Variants in TRIP4 observed in about 807,000 individuals in gnomAD.
TRIP4 encodes activating signal cointegrator 1.
In TRIP4, 54 loss-of-function variants were observed where a neutral mutation model predicts 81.8. The ratio of observed to expected loss-of-function variants is 0.66; its 90% CI spans 0.53 to 0.83. The LOEUF is 0.83. TRIP4 is among the 40% of genes least tolerant of loss of function. The pLI is 0.00. For missense variants in TRIP4, 662 were observed against 683.6 expected (o/e 0.97, Z 0.35); for synonymous variants, 270 against 242.8 (o/e 1.11, Z -1.04).
chr15:64,440,534 C>A (rs1892495043), intron 11 of TRIP4, among the ~76,000 whole-genome samples: 1 of 150,464 alleles, frequency 6.6e-6, no homozygotes, highest in African/African-American at 2.4e-5. Flanking sequence ...GAAAAATAAT[C>A]TCTTCTTCCA....
intron 2 of TRIP4, 133 bp downstream of exon 2, chr15:64,394,248 AT>A: frequency 1.4e-6 from 1 of 734,144 alleles, no homozygotes; most frequent in Non-Finnish European, 2.0e-6. Flanking sequence ...ATGTATACAT[AT>A]TTTTAGTTCG....
At chr15:64,393,890 C>A in intron 1 of TRIP4, 56 bp from the exon 2 acceptor site, 1 of 1,476,372 alleles carries the variant, frequency 6.8e-7, no homozygotes. Flanking sequence ...GTTAAGATTA[C>A]TGAGAAACAG....
At chr15:64,424,261 G>C in intron 10 of TRIP4, 106 bp downstream of exon 10, 5 of 1,469,282 alleles carry the variant, frequency 3.4e-6, no homozygotes, top group Non-Finnish European at 4.6e-6. Flanking sequence ...TGTTAAAAGA[G>C]ACTTTTAATC....
At chr15:64,451,248 G>C (rs1892750732) in intron 12 of TRIP4, among the ~76,000 whole-genome samples, 1 of 151,926 alleles carries the variant, frequency 6.6e-6, no homozygotes, top group South Asian at 2.1e-4. Flanking sequence ...GAGTAGCTGG[G>C]ATTACAGGCG....
At chr15:64,401,130 A>G (rs567170472) in intron 5 of TRIP4, among the ~76,000 whole-genome samples, 1 of 138,178 alleles carries the variant, frequency 7.2e-6, no homozygotes, top group African/African-American at 2.7e-5. Context: ...CGTAGCTAAT[A>G]TTTACTTTTT....
intron 12 of TRIP4, among the ~76,000 whole-genome samples, chr15:64,447,797 C>T (rs756636186): frequency 6.6e-6 from 1 of 152,182 alleles, no homozygotes; most frequent in African/African-American, 2.4e-5. Context: ...TTGCAGCCTC[C>T]ACCTCCTGGG....
At chr15:64,415,339 A>C (rs1443199699) in intron 8 of TRIP4, among the ~76,000 whole-genome samples, 3 of 152,188 alleles carry the variant, frequency 2.0e-5, no homozygotes, top group African/African-American at 7.2e-5. Flanking sequence ...AACTATTGTT[A>C]TGGACTGATA....
intron 6 of TRIP4, among the ~76,000 whole-genome samples, chr15:64,406,783 C>T (rs1012516845): frequency 6.6e-6 from 1 of 152,122 alleles, no homozygotes; most frequent in African/African-American, 2.4e-5. Context: ...TATTAGAGTA[C>T]GTGTTATTTG....
rs1892273136 is a variant in TRIP4 at position 64,431,640 on chromosome 15, A to C, written c.1575+6009A>C. On this transcript the variant is annotated intron_variant, in intron 11 of 12. Coordinates refer to ENST00000261884, the MANE Select transcript of TRIP4 (RefSeq NM_016213.5). The stretch of plus-strand genomic sequence containing the variant: ...AGAATCACTTGAACCCGGGAGGCAG[A>C]GGTTGCAGTGAGCAGAGATTGCACC... Among the ~76,000 whole-genome samples, 3 of 150,918 alleles carry C rather than the reference A, an allele frequency of 2.0e-5. No individual in the cohort carries two copies. The South Asian group carries it at 6.4e-4, about 32-fold the overall frequency.
At chr15:64,435,391 T>C (rs1328933058) in intron 11 of TRIP4, among the ~76,000 whole-genome samples, 1 of 151,244 alleles carries the variant, frequency 6.6e-6, no homozygotes, top group African/African-American at 2.4e-5. Flanking sequence ...CCGGGCGTGG[T>C]GGCATGTGCC....
intron 11 of TRIP4, among the ~76,000 whole-genome samples, chr15:64,431,547 C>T (rs933004443): frequency 6.7e-6 from 1 of 150,074 alleles, no homozygotes; most frequent in Admixed American, 6.6e-5. Flanking sequence ...ACTAAAAATA[C>T]AAAAAAAAAT....
rs758426110 is a variant in TRIP4, at chr15:64,424,164, C to T, written c.1483+9C>T. The T allele has an allele frequency of 2.4e-5, 39 of 1,613,792 alleles. No homozygotes were observed. In the Admixed American group the frequency reaches 2.5e-4, roughly 10 times the overall value. ...TCTTCTTCGTGGGAAAGGTAACAGC[C>T]GCATATTCTCCTTTCAATTTTACTT... On this transcript the variant is annotated intron_variant, in intron 10 of 12. Transcript: ENST00000261884.
intron 7 of TRIP4, among the ~76,000 whole-genome samples, chr15:64,411,780 C>T (rs1033530690): frequency 3.3e-5 from 5 of 151,582 alleles, no homozygotes; most frequent in African/African-American, 4.8e-5. Context: ...CCCAGATTCA[C>T]GCCATTCTCC....
intron 2 of TRIP4, among the ~76,000 whole-genome samples, chr15:64,394,955 C>T (rs1337384672): frequency 6.6e-6 from 1 of 152,170 alleles, no homozygotes; most frequent in African/African-American, 2.4e-5. Context: ...GATGATTCTC[C>T]CACCTCAGCC....
At chr15:64,440,593 C>T (rs1344932918) in intron 11 of TRIP4, among the ~76,000 whole-genome samples, 1 of 152,080 alleles carries the variant, frequency 6.6e-6, no homozygotes, top group East Asian at 1.9e-4. Context: ...CTTTTCACCT[C>T]TGTTTCTTGT....
At chr15:64,428,710 G>C (rs1892203869) in intron 11 of TRIP4, among the ~76,000 whole-genome samples, 3 of 152,100 alleles carry the variant, frequency 2.0e-5, no homozygotes, top group Admixed American at 2.0e-4. Flanking sequence ...TCAGGATCAA[G>C]CGATTCTCTT....
At chr15:64,407,029 T>C (rs1023914772) in intron 6 of TRIP4, among the ~76,000 whole-genome samples, 6 of 152,246 alleles carry the variant, frequency 3.9e-5, no homozygotes, top group African/African-American at 1.4e-4. Context: ...AATTCTGTTT[T>C]TGACTTCCTC....
intron 11 of TRIP4, 100 bp downstream of exon 11, chr15:64,425,731 T>A: frequency 1.1e-6 from 1 of 887,396 alleles, no homozygotes; most frequent in Non-Finnish European, 1.7e-6. Flanking sequence ...TTAAAAGTGC[T>A]GGGATTATAG....
At chr15:64,397,064 G>GC (rs1264342904) in intron 3 of TRIP4, among the ~76,000 whole-genome samples, 5 of 151,858 alleles carry the variant, frequency 3.3e-5, no homozygotes, top group Non-Finnish European at 7.4e-5. Flanking sequence ...TTCTTATTAG[G>GC]TTTTTTTTGC....
Sources: allele counts gnomAD v4.1 joint callset (sites outside exome capture counted in the v4.1 genomes callset), GRCh38; gene constraint gnomAD v4.1.1; transcripts MANE v1.5; gene names NCBI Gene and HGNC (gene_info 2026-07-23, HGNC 2026-07-21).